PKIB: variants seen among roughly 807,000 people sequenced by gnomAD.
PKIB encodes cAMP-dependent protein kinase inhibitor beta.
PKIB carries 2 observed loss-of-function variants against 4.5 expected under a neutral mutation model. The ratio of observed to expected loss-of-function variants is 0.44; its 90% CI spans 0.18 to 1.39. The LOEUF is 1.39. Ranked by LOEUF, PKIB falls within the 40% of genes most tolerant of loss-of-function variation. PKIB has a pLI of 0.27. For synonymous variants in PKIB, 38 were observed against 36.0 expected, an observed-to-expected ratio of 1.06 and a Z score of -0.20; for missense variants, 94 against 92.6, an observed-to-expected ratio of 1.02 and a Z score of -0.06.
intron 1 of PKIB, among the ~76,000 whole-genome samples, chr6:122,612,828 G>A (rs914406472): frequency 6.6e-6 from 1 of 152,112 alleles, no homozygotes; most frequent in Non-Finnish European, 1.5e-5. Flanking sequence ...TTGGTAGGTT[G>A]TATGACAAAC....
At chr6:122,723,561 A>G (rs908910417) in intron 4 of PKIB, among the ~76,000 whole-genome samples, 11 of 152,078 alleles carry the variant, frequency 7.2e-5, no homozygotes, top group African/African-American at 2.7e-4. Context: ...TTTCACTCAC[A>G]GGATCTAGTT....
chr6:122,677,568 C>G (rs1188080232), intron 3 of PKIB, among the ~76,000 whole-genome samples: 1 of 152,150 alleles, frequency 6.6e-6, no homozygotes, highest in Non-Finnish European at 1.5e-5. Context: ...TCTTCTCACC[C>G]TTGGCTATGT....
intron 2 of PKIB, among the ~76,000 whole-genome samples, chr6:122,566,639 T>G (rs1262108805): frequency 2.1e-5 from 3 of 144,816 alleles, no homozygotes; most frequent in Non-Finnish European, 4.6e-5. Context: ...CCTCCCTCCC[T>G]CCCTTCCTTC....
chr6:122,657,018 A>G lies in PKIB; in HGVS notation c.-75-18060A>G, dbSNP rs111451461. Among the ~76,000 whole-genome samples the G allele has an allele frequency of 1.3e-3, 195 of 152,362 alleles. 1 individual carries two copies. Among genetic ancestry groups the G allele is most frequent in the African/African-American group, 4.6e-3 (190 of 41,588 alleles). The stretch of plus-strand genomic sequence containing the variant: ...CTATATTCTCTTTTAGTCTTCAATT[A>G]AAATAAATTTTATTGTGCATATTTG... On this transcript the variant is annotated intron_variant, in intron 2 of 4. Coordinates refer to ENST00000368452, the MANE Select transcript of PKIB (RefSeq NM_181795.3).
intron 2 of PKIB, among the ~76,000 whole-genome samples, chr6:122,486,046 A>G (rs564764574): frequency 6.6e-6 from 1 of 152,336 alleles, no homozygotes; most frequent in African/African-American, 2.4e-5. Context: ...AATTCATCAC[A>G]AAATATACCC....
exon 1 of PKIB, chr6:122,471,960 C>T: frequency 9.2e-7 from 1 of 1,088,922 alleles, no homozygotes; most frequent in Non-Finnish European, 1.3e-6. Context: ...GTCTTCTTTC[C>T]TGGAGAATTT....
chr6:122,583,850 C>T (rs1024164971), intron 2 of PKIB, among the ~76,000 whole-genome samples: 3 of 152,050 alleles, frequency 2.0e-5, no homozygotes, highest in Non-Finnish European at 4.4e-5. Context: ...AGCAAAGAGG[C>T]CAACTGTTAG....
intron 3 of PKIB, among the ~76,000 whole-genome samples, chr6:122,684,936 C>T (rs1409565634): frequency 6.6e-6 from 1 of 152,086 alleles, no homozygotes; most frequent in African/African-American, 2.4e-5. Flanking sequence ...ACATGTGAGT[C>T]TCTTATGTAA....
At chr6:122,607,972 T>G (rs550751414), upstream of PKIB, among the ~76,000 whole-genome samples, 4 of 152,356 alleles carry the variant, frequency 2.6e-5, no homozygotes, top group South Asian at 8.3e-4. Flanking sequence ...AACTCACTCC[T>G]TTTTTCATTC....
intron 1 of PKIB, among the ~76,000 whole-genome samples, chr6:122,615,135 G>C (rs1481000700): frequency 6.6e-6 from 1 of 152,062 alleles, no homozygotes; most frequent in Non-Finnish European, 1.5e-5. Flanking sequence ...CTTGAAGAAG[G>C]GTGTCTATGA....
chr6:122,607,351 CA>C (rs1024580586), upstream of PKIB, among the ~76,000 whole-genome samples: 3 of 151,854 alleles, frequency 2.0e-5, no homozygotes, highest in Non-Finnish European at 4.4e-5. Context: ...AAAAACAAAA[CA>C]AAAAAACCCA....
At chr6:122,477,267 A>G (rs916657164) in intron 1 of PKIB, among the ~76,000 whole-genome samples, 3 of 152,202 alleles carry the variant, frequency 2.0e-5, no homozygotes, top group African/African-American at 7.2e-5. Flanking sequence ...TGAAGGAGAA[A>G]GTCGAGGCAA....
chr6:122,590,277 G>A (rs1295397287), intron 3 of PKIB, among the ~76,000 whole-genome samples: 2 of 152,154 alleles, frequency 1.3e-5, no homozygotes, highest in Non-Finnish European at 2.9e-5. Flanking sequence ...AACTTTGTGA[G>A]GTTTATTTAT....
At position 122,725,318 on chromosome 6, in the gene PKIB, A is replaced by G; in HGVS notation, c.*123A>G. On this transcript the variant is annotated 3_prime_UTR_variant, in exon 5 of 5. Transcript: ENST00000368452. ...CATTGCAGCCCTAAGCAGCATGTGT[A>G]TATTAGATAATTGTGTTGTGATGCT... 1.4e-6 allele frequency: 1 copy of G among 723,972 alleles called. No individual in the cohort carries two copies. The highest frequency in any genetic ancestry group is 1.9e-5 in the South Asian group (1 of 51,928). The allele number at this position is 723,972 out of a possible 1,614,324, so 44.8% of individuals were successfully genotyped here. A position where few individuals can be genotyped will look rare whatever the true frequency, so the allele number is the denominator to read the frequency against.
chr6:122,501,029 G>A (rs1195417028), intron 2 of PKIB, among the ~76,000 whole-genome samples: 1 of 152,002 alleles, frequency 6.6e-6, no homozygotes, highest in Non-Finnish European at 1.5e-5. Flanking sequence ...CCAACACGTG[G>A]GGATTACAAT....
At chr6:122,613,501 A>G (rs565180577) in intron 1 of PKIB, among the ~76,000 whole-genome samples, 1 of 152,246 alleles carries the variant, frequency 6.6e-6, no homozygotes, top group East Asian at 1.9e-4. Context: ...AACTTCCCCC[A>G]TTAGTACATG....
intron 2 of PKIB, among the ~76,000 whole-genome samples, chr6:122,547,431 A>G (rs12189866): frequency 0.15 from 22,419 of 151,856 alleles, 1,780 homozygotes; most frequent in East Asian, 0.26. Flanking sequence ...CGCCTCCTGG[A>G]TTCAAGCGAT....
intron 2 of PKIB, among the ~76,000 whole-genome samples, chr6:122,525,074 G>C (rs1451181290): frequency 6.7e-6 from 1 of 149,538 alleles, no homozygotes. Context: ...TTTTTTAAAT[G>C]TATGCATTTA....
intron 1 of PKIB, among the ~76,000 whole-genome samples, chr6:122,629,131 C>T (rs1775585122): frequency 6.6e-6 from 1 of 152,140 alleles, no homozygotes. Context: ...ACCACAATGT[C>T]CATTACAACT....
Sources: allele counts gnomAD v4.1 joint callset (sites outside exome capture counted in the v4.1 genomes callset), GRCh38; gene constraint gnomAD v4.1.1; transcripts MANE v1.5; gene names NCBI Gene and HGNC (gene_info 2026-07-23, HGNC 2026-07-21).